The following CCDC150 variants were observed in gnomAD, a reference collection of about 807,000 sequenced individuals.
CCDC150 encodes coiled-coil domain containing 150, also known as coiled-coil domain-containing protein 150.
A neutral mutation model predicts 156.5 loss-of-function variants in CCDC150; 151 were observed. The ratio of observed to expected loss-of-function variants is 0.97; its 90% confidence interval spans 0.85 to 1.10. The LOEUF (loss-of-function observed/expected upper bound fraction) is 1.10, where lower values mean the gene tolerates loss of function less well. Ranked by LOEUF, CCDC150 falls within the 50% of genes least tolerant of loss-of-function variation. The probability of loss-of-function intolerance (pLI) is 0.00; values close to 1 mark genes in which losing one functional copy is unlikely to be tolerated. For synonymous variants in CCDC150, 452 were observed against 429.4 expected, an observed-to-expected ratio of 1.05 and a Z score of -0.65; for missense variants, 1,312 against 1,268.1, an observed-to-expected ratio of 1.03 and a Z score of -0.53.
intron 17 of CCDC150, among the ~76,000 whole-genome samples, chr2:196,717,483 T>C (rs1165516929): frequency 1.3e-5 from 2 of 151,982 alleles, no homozygotes; most frequent in Non-Finnish European, 2.9e-5. Flanking sequence ...TTGAAAAAAA[T>C]GGCAAAAATT....
chr2:196,681,826 C>G (rs1467846898), intron 13 of CCDC150, among the ~76,000 whole-genome samples: 3 of 152,024 alleles, frequency 2.0e-5, no homozygotes, highest in Non-Finnish European at 4.4e-5. Flanking sequence ...TTTTAATTAT[C>G]AACTTGTATG....
chr2:196,658,706 A>T, intron 4 of CCDC150, 86 bp from the exon 5 acceptor site: 1 of 961,058 alleles, frequency 1.0e-6, no homozygotes, highest in Admixed American at 2.8e-5. Flanking sequence ...TTGCCAGAAA[A>T]AAACCTGATT....
At chr2:196,701,243 A>G (rs1419407511) in intron 15 of CCDC150, 63 bp downstream of exon 15, 2 of 1,102,642 alleles carry the variant, frequency 1.8e-6, no homozygotes, top group Non-Finnish European at 2.7e-6. Flanking sequence ...ATCAAATTAA[A>G]TATTGCTAGA....
chr2:196,705,773 T>C (rs944500290), intron 15 of CCDC150, among the ~76,000 whole-genome samples: 4 of 152,248 alleles, frequency 2.6e-5, no homozygotes, highest in Non-Finnish European at 4.4e-5. Context: ...TACATATGGC[T>C]AGCCAGTTTT....
In CCDC150 at chr2:196,720,637, TG is replaced by T. The variant is rs774746382; in HGVS notation, c.2229del (p.Met743IlefsTer19). On this transcript the variant is annotated frameshift_variant, in exon 20 of 28. Transcript: ENST00000389175. LOFTEE classifies it high-confidence loss of function. Reference protein sequence around the residue: ...EAEVDQWQARMLVMEDQHNSE... With the variant: ...EAEVDQWQARXLVMEDQHNSE... The stretch of plus-strand genomic sequence containing the variant: ...GAAGTGGACCAGTGGCAGGCCAGGA[TG>T]CTTGTCATGGAGGACCAGCACAACA... 1 of 1,613,908 alleles carries T rather than the reference TG, an allele frequency of 6.2e-7. No individual in the cohort carries two copies. Among genetic ancestry groups the T allele is most frequent in the Non-Finnish European group, 8.5e-7 (1 of 1,179,846 alleles).
chr2:196,653,449 G>T (rs779421034), intron 2 of CCDC150, among the ~76,000 whole-genome samples: 8 of 152,254 alleles, frequency 5.3e-5, no homozygotes, highest in Non-Finnish European at 1.0e-4. Context: ...GATCCTTAAG[G>T]GCACGGACAC....
chr2:196,649,569 A>G (rs960122450), intron 2 of CCDC150, among the ~76,000 whole-genome samples: 2 of 152,200 alleles, frequency 1.3e-5, no homozygotes, highest in African/African-American at 4.8e-5. Context: ...TTGTGTAAAT[A>G]TACTCTATGA....
Position 196,666,804 on chromosome 2 carries a change from A to C in CCDC150, c.848A>C (p.Lys283Thr). The change falls in exon 7 of 28, where the codon AAA (lysine) becomes ACA (threonine). Residue 283 changes from lysine to threonine, a missense_variant. Lys to Thr is a moderately conservative substitution (Grantham distance 78). Coordinates refer to ENST00000389175, the MANE Select transcript of CCDC150 (RefSeq NM_001080539.2). The stretch of plus-strand genomic sequence containing the variant: ...CTACTGGCCCAGGAACAAAAAAAAA[A>C]AGAAGAGTTGGAGATTGCTACTTCA... ...QELLAQEQKK[K>T]EELEIATSQL... 6.2e-7 allele frequency: 1 copy of C among 1,613,734 alleles called. No homozygotes were observed.
At chr2:196,692,423 C>T (rs151026631) in intron 13 of CCDC150, among the ~76,000 whole-genome samples, 1,599 of 152,206 alleles carry the variant, frequency 0.011, 24 homozygotes, top group African/African-American at 0.037. Context: ...CGTGAGCCAC[C>T]GCGCCCGGCC....
rs1189258532 is a variant in CCDC150, at chr2:196,718,436, A to G, written c.1867-67A>G. On this transcript the variant is annotated intron_variant, in intron 17 of 27. Coordinates refer to ENST00000389175, the MANE Select transcript of CCDC150 (RefSeq NM_001080539.2). ...TTTAAACATTTAAAATTTGGTTTCT[A>G]AATTTCTATGTCTTATTCTAATCAC... The G allele has an allele frequency of 4.5e-6, 6 of 1,332,364 alleles. No individual in the cohort carries two copies. The African/African-American group carries it at 6.0e-5, about 13-fold the overall frequency. 82.5% of individuals were successfully genotyped at this position (1,332,364 alleles called of 1,614,324 possible). A position where few individuals can be genotyped will look rare whatever the true frequency, so the allele number is the denominator to read the frequency against.
intron 2 of CCDC150, among the ~76,000 whole-genome samples, chr2:196,651,876 G>A (rs1459674214): frequency 6.6e-6 from 1 of 152,166 alleles, no homozygotes; most frequent in Admixed American, 6.5e-5. Flanking sequence ...TTCTGTTGAG[G>A]CCTCAGGACG....
intron 8 of CCDC150, among the ~76,000 whole-genome samples, chr2:196,670,963 G>A (rs186030126): frequency 3.3e-5 from 5 of 152,170 alleles, no homozygotes; most frequent in Non-Finnish European, 5.9e-5. Flanking sequence ...CTCATTAGCC[G>A]TTTGATGGAT....
At chr2:196,674,133 G>C (rs950941477) in intron 9 of CCDC150, 108 bp from the exon 10 acceptor site, 2 of 668,242 alleles carry the variant, frequency 3.0e-6, no homozygotes, top group Non-Finnish European at 5.0e-6. Flanking sequence ...AAATAGATTA[G>C]TTTCATATAT....
intron 15 of CCDC150, among the ~76,000 whole-genome samples, chr2:196,711,185 T>TA (rs1697088377): frequency 6.6e-6 from 1 of 152,180 alleles, no homozygotes; most frequent in Non-Finnish European, 1.5e-5. Context: ...TGATGAACTT[T>TA]TTATAAAGTA....
At chr2:196,715,101 C>A (rs1317609730) in intron 17 of CCDC150, among the ~76,000 whole-genome samples, 1 of 152,110 alleles carries the variant, frequency 6.6e-6, no homozygotes, top group East Asian at 1.9e-4. Context: ...CTATGGAGGG[C>A]AATTTAGCAA....
chr2:196,722,726 A>G (rs988348715), intron 21 of CCDC150, among the ~76,000 whole-genome samples: 1 of 152,148 alleles, frequency 6.6e-6, no homozygotes, highest in Non-Finnish European at 1.5e-5. Flanking sequence ...TATTGTGTTT[A>G]TGTAGTCGTT....
At chr2:196,683,154 T>C (rs972519755) in intron 13 of CCDC150, among the ~76,000 whole-genome samples, 1 of 151,904 alleles carries the variant, frequency 6.6e-6, no homozygotes, top group Non-Finnish European at 1.5e-5. Flanking sequence ...AACTGTGGGG[T>C]TTTTTCAATG....
At position 196,729,279 on chromosome 2, in the gene CCDC150, A is replaced by G. The variant is rs756597105; in HGVS notation, c.2643A>G (p.Leu881=). 1.6e-5 allele frequency: 26 copies of G among 1,613,820 alleles called. No individual in the cohort carries two copies. In the African/African-American group the frequency reaches 3.2e-4, roughly 20 times the overall value. The stretch of plus-strand genomic sequence containing the variant: ...AGCTGCGACAGAAACTTGCAGAGCT[A>G]GAAAAAATACTAGAAAGTAACAAGG... ...NRELRQKLAE[L]EKILESNKEK... Residue 881 remains leucine, a synonymous_variant, in exon 23 of 28, where the codon CTA becomes CTG. Transcript: ENST00000389175.
At chr2:196,678,711 T>C (rs781651349) in intron 13 of CCDC150, among the ~76,000 whole-genome samples, 6 of 152,144 alleles carry the variant, frequency 3.9e-5, no homozygotes, top group Non-Finnish European at 8.8e-5. Flanking sequence ...GAGACCAGCC[T>C]GGCCAACAAG....
Sources: allele counts gnomAD v4.1 joint callset (sites outside exome capture counted in the v4.1 genomes callset), GRCh38; gene constraint gnomAD v4.1.1; transcripts MANE v1.5; gene names NCBI Gene and HGNC (gene_info 2026-07-23, HGNC 2026-07-21).